Variants in PIAS2 observed in about 807,000 individuals in gnomAD.
PIAS2 encodes E3 SUMO-protein ligase PIAS2.
Under a neutral mutation model 69.7 loss-of-function variants are expected in PIAS2, and 19 were observed. The observed-to-expected ratio is 0.27, with a 90% confidence interval of 0.19 to 0.40. The LOEUF (loss-of-function observed/expected upper bound fraction) is 0.40, where lower values mean the gene tolerates loss of function less well. Ranked by LOEUF, PIAS2 falls within the 10% of genes least tolerant of loss-of-function variation. The probability of loss-of-function intolerance (pLI) is 1.00; values close to 1 mark genes in which losing one functional copy is unlikely to be tolerated. For missense variants in PIAS2, 624 were observed against 757.0 expected, an observed-to-expected ratio of 0.82 and a Z score of 2.06; for synonymous variants, 261 against 263.2, an observed-to-expected ratio of 0.99 and a Z score of 0.08.
At chr18:46,860,472 A>G (rs1271238033) in intron 3 of PIAS2, among the ~76,000 whole-genome samples, 3 of 152,228 alleles carry the variant, frequency 2.0e-5, no homozygotes, top group Admixed American at 6.5e-5. Flanking sequence ...AGAAAATACA[A>G]GATAAGCCTT....
In PIAS2 at chr18:46,810,900, T is replaced by C. The variant is rs1374440296; in HGVS notation, c.*1533A>G. The C allele has an allele frequency of 6.6e-6, 1 of 152,118 alleles. No individual in the cohort carries two copies. Among genetic ancestry groups the C allele is most frequent in the Non-Finnish European group, 1.5e-5 (1 of 68,044 alleles). The allele number at this position is 152,118 out of a possible 1,614,324, so 9.4% of individuals were successfully genotyped here. On this transcript the variant is annotated 3_prime_UTR_variant, in exon 14 of 14. Coordinates refer to ENST00000585916, the MANE Select transcript of PIAS2 (RefSeq NM_004671.5). ...GGACTGGCCATTAAAAAAAGGACTT[T>C]GTTTTTAAGGTAGATAAAGCTTAGA...
At position 46,873,207 on chromosome 18, in the gene PIAS2, G is replaced by A. The variant is rs139234937; in HGVS notation, c.500-8959C>T. ...TTAAAAGGCAGGAAGATGGCTCACC[G>A]ACTCAAGGATTTTAAAGTATGATGC... On this transcript the variant is annotated intron_variant, in intron 2 of 13. Transcript: ENST00000585916. 2.0e-4 allele frequency among the ~76,000 whole-genome samples: 30 copies of A among 152,328 alleles called. No individual in the cohort carries two copies. In the East Asian group the frequency reaches 5.6e-3, roughly 28 times the overall value.
At chr18:46,825,863 C>A (rs138436433) in intron 11 of PIAS2, among the ~76,000 whole-genome samples, 1 of 152,310 alleles carries the variant, frequency 6.6e-6, no homozygotes, top group Non-Finnish European at 1.5e-5. Context: ...TGACGAGATC[C>A]ATCTTATCAA....
intron 8 of PIAS2, 77 bp from the exon 9 acceptor site, chr18:46,836,594 G>C (rs2044468278): frequency 2.1e-6 from 2 of 949,396 alleles, no homozygotes; most frequent in Admixed American, 2.2e-5. Flanking sequence ...AGTTGTAAAA[G>C]TCGGAAGATG....
At chr18:46,833,728 ATAAT>A (rs2044016474) in intron 9 of PIAS2, among the ~76,000 whole-genome samples, 1 of 152,228 alleles carries the variant, frequency 6.6e-6, no homozygotes, top group African/African-American at 2.4e-5. Context: ...TAGAAATCTA[ATAAT>A]TAAAATAGTT....
At chr18:46,858,892 C>T (rs2048236469) in intron 3 of PIAS2, among the ~76,000 whole-genome samples, 1 of 152,026 alleles carries the variant, frequency 6.6e-6, no homozygotes, top group Non-Finnish European at 1.5e-5. Flanking sequence ...ATGCTACTCA[C>T]CAGGACAAGA....
rs887718425 is a variant in PIAS2, at chr18:46,817,622, A to C, written c.1649-2273T>G. On this transcript the variant is annotated intron_variant, in intron 12 of 13. Transcript: ENST00000585916. Reference sequence around the variant, plus strand: ...AAAATTGAATGTGGTGACTTATACAACACCATAATAAAATACCTAGAAATT... The same window carrying C: ...AAAATTGAATGTGGTGACTTATACACCACCATAATAAAATACCTAGAAATT... The C allele has an allele frequency of 1.0e-5, 10 of 959,958 alleles. No homozygotes were observed. The Admixed American group carries it at 3.1e-4, about 30-fold the overall frequency. 59.5% of individuals were successfully genotyped at this position (959,958 alleles called of 1,614,324 possible). A position where few individuals can be genotyped will look rare whatever the true frequency, so the allele number is the denominator to read the frequency against.
Position 46,812,274 on chromosome 18 carries a change from C to T in PIAS2, c.*159G>A. 2 of 541,482 alleles carry T rather than the reference C, an allele frequency of 3.7e-6. No homozygotes were observed. Among genetic ancestry groups the T allele is most frequent in the Non-Finnish European group, 6.5e-6 (2 of 305,620 alleles). 33.5% of individuals were successfully genotyped at this position (541,482 alleles called of 1,614,324 possible). ...CTTGCATGTCATTTGGTTCTTGTTG[C>T]AGTCTTCTGTGTTCACCCCTCAGAA... is the stretch of plus-strand genomic sequence containing the variant. On this transcript the variant is annotated 3_prime_UTR_variant, in exon 14 of 14. Coordinates refer to ENST00000585916, the MANE Select transcript of PIAS2 (RefSeq NM_004671.5).
chr18:46,885,638 C>T (rs16940133), intron 2 of PIAS2, among the ~76,000 whole-genome samples: 2,313 of 151,840 alleles, frequency 0.015, 83 homozygotes, highest in East Asian at 0.14. Context: ...GTCTGTTTTT[C>T]GCGCCACTGC....
intron 2 of PIAS2, among the ~76,000 whole-genome samples, chr18:46,871,092 G>C (rs2050293208): frequency 6.6e-6 from 1 of 152,168 alleles, no homozygotes; most frequent in African/African-American, 2.4e-5. Flanking sequence ...CTCTTGGGCA[G>C]GGAATACTCA....
intron 2 of PIAS2, among the ~76,000 whole-genome samples, chr18:46,873,715 C>T (rs1426252416): frequency 6.6e-6 from 1 of 151,812 alleles, no homozygotes; most frequent in Non-Finnish European, 1.5e-5. Context: ...AATTAATCAC[C>T]CAGGTATTAG....
At chr18:46,854,645 G>A (rs924569166) in intron 5 of PIAS2, among the ~76,000 whole-genome samples, 1 of 152,162 alleles carries the variant, frequency 6.6e-6, no homozygotes, top group Non-Finnish European at 1.5e-5. Flanking sequence ...GAGACAGGCT[G>A]CATGCATTTA....
rs2053992751 is a variant in PIAS2 at position 46,890,960 on chromosome 18, C to T, written c.119G>A (p.Arg40Lys). ...KSGRKHDLLM[R>K]ALHLLKSGCS... Reference sequence around the variant, plus strand: ...GCCGCTCTTCAATAAATGCAGCGCCCTCATCAGGAGGTCATGCTTGCGTCC... The same window carrying T: ...GCCGCTCTTCAATAAATGCAGCGCCTTCATCAGGAGGTCATGCTTGCGTCC... Residue 40 changes from arginine to lysine, a missense_variant, in exon 2 of 14, where the codon AGG (arginine) becomes AAG (lysine). Physicochemically the swap from Arg to Lys is conservative, Grantham distance 26 (BLOSUM62 2). This residue lies in a region of PIAS2 where 339 missense variants were observed against 408.8 expected (regional missense o/e 0.83). Transcript: ENST00000585916. The T allele has an allele frequency of 6.2e-7, 1 of 1,614,072 alleles. No individual in the cohort carries two copies. Among genetic ancestry groups the T allele is most frequent in the South Asian group, 1.1e-5 (1 of 91,068 alleles).
chr18:46,859,157 G>A (rs936505132), intron 3 of PIAS2, among the ~76,000 whole-genome samples: 4 of 152,110 alleles, frequency 2.6e-5, no homozygotes. Context: ...GGCCAGACGC[G>A]GTAGCTCACG....
intron 12 of PIAS2, chr18:46,816,615 A>G (rs1476497762): frequency 4.1e-6 from 1 of 244,942 alleles, no homozygotes; most frequent in African/African-American, 2.3e-5. Context: ...GTGTGTCACT[A>G]TGCCCAGCTA....
chr18:46,851,480 A>C (rs1036973237), intron 5 of PIAS2, among the ~76,000 whole-genome samples: 1 of 152,172 alleles, frequency 6.6e-6, no homozygotes, highest in Non-Finnish European at 1.5e-5. Context: ...AAAAACATGG[A>C]ATGTTCTCAT....
intron 2 of PIAS2, among the ~76,000 whole-genome samples, chr18:46,887,726 AAAGT>A (rs1217608936): frequency 1.3e-5 from 2 of 152,212 alleles, no homozygotes; most frequent in East Asian, 1.9e-4. Flanking sequence ...CATTAAATGG[AAAGT>A]AAGTCCCTTT....
Position 46,811,292 on chromosome 18 carries a change from C to T in PIAS2, c.*1141G>A, listed in dbSNP as rs558394706. 1 of 152,040 alleles carries T rather than the reference C, an allele frequency of 6.6e-6. No individual in the cohort carries two copies. Among genetic ancestry groups the T allele is most frequent in the African/African-American group, 2.4e-5 (1 of 41,452 alleles). 9.4% of individuals were successfully genotyped at this position (152,040 alleles called of 1,614,324 possible). On this transcript the variant is annotated 3_prime_UTR_variant, in exon 14 of 14. Transcript: ENST00000585916. ...AAAAAAAAAAAAATCTAATGCTGTC[C>T]CTTTCCCTAAGTTTGAAAATCACTG...
intron 5 of PIAS2, chr18:46,853,912 C>G (rs1015433743): frequency 6.6e-6 from 1 of 152,226 alleles, no homozygotes; most frequent in South Asian, 2.1e-4. Flanking sequence ...TGTAAGCAAT[C>G]CCCCCTGACC....
Sources: allele counts gnomAD v4.1 joint callset (sites outside exome capture counted in the v4.1 genomes callset), GRCh38; gene constraint gnomAD v4.1.1; regional missense constraint gnomAD v4.1.1; transcripts MANE v1.5; gene names NCBI Gene and HGNC (gene_info 2026-07-23, HGNC 2026-07-21).